Variants in ZDHHC16 observed in about 807,000 individuals in gnomAD.
ZDHHC16 encodes the protein palmitoyltransferase ZDHHC16.
ZDHHC16 carries 33 observed loss-of-function variants against 54.4 expected under a neutral mutation model. The observed-to-expected ratio is 0.61, with a 90% confidence interval of 0.46 to 0.81. ZDHHC16 has a LOEUF of 0.81. ZDHHC16 is among the 30% of genes least tolerant of loss of function. The pLI is 0.00. For synonymous variants in ZDHHC16, 185 were observed against 182.1 expected, an observed-to-expected ratio of 1.02 and a Z score of -0.13; for missense variants, 420 against 485.9, an observed-to-expected ratio of 0.86 and a Z score of 1.28.
At chr10:97,447,303 C>T (rs550933280) in intron 1 of ZDHHC16, among the ~76,000 whole-genome samples, 17 of 152,358 alleles carry the variant, frequency 1.1e-4, no homozygotes, top group African/African-American at 4.1e-4. Context: ...AGATGACATT[C>T]GCCACGACTT....
In ZDHHC16 at chr10:97,446,332, C is replaced by T; in HGVS notation, c.-207C>T. ...AGGCTACGGGGCTCGGTTTGGCTGA[C>T]TGGGGAGTCGGCAGGCGGCAGGTAA... On this transcript the variant is annotated 5_prime_UTR_variant, in exon 1 of 12. Transcript: ENST00000393760. The T allele has an allele frequency of 2.4e-6, 1 of 423,030 alleles. No homozygotes were observed. Among genetic ancestry groups the T allele is most frequent in the Non-Finnish European group, 4.3e-6 (1 of 233,048 alleles). The allele number at this position is 423,030 out of a possible 1,614,324, so 26.2% of individuals were successfully genotyped here. A position where few individuals can be genotyped will look rare whatever the true frequency, so the allele number is the denominator to read the frequency against.
chr10:97,453,984 G>A, intron 8 of ZDHHC16, 138 bp downstream of exon 8: 1 of 1,186,996 alleles, frequency 8.4e-7, no homozygotes, highest in Non-Finnish European at 1.2e-6. Context: ...GAGTGTTCAG[G>A]CAGGCTGGCT....
chr10:97,446,743 G>A (rs1309606787), intron 1 of ZDHHC16, among the ~76,000 whole-genome samples: 1 of 152,134 alleles, frequency 6.6e-6, no homozygotes, highest in Non-Finnish European at 1.5e-5. Flanking sequence ...TGTTTTTGAG[G>A]AGTCTCGCTC....
chr10:97,456,664 A>G (rs1847268873), intron 11 of ZDHHC16, 113 bp from the exon 12 acceptor site: 1 of 715,018 alleles, frequency 1.4e-6, no homozygotes, highest in African/African-American at 1.8e-5. Flanking sequence ...TGTTACTTTC[A>G]TGATTGACAC....
Position 97,446,211 on chromosome 10 carries a change from C to CCCGGT in ZDHHC16, c.-328_-327insCCGGT. 1.6e-6 allele frequency: 1 copy of CCCGGT among 636,534 alleles called. No homozygotes were observed. Among genetic ancestry groups the CCCGGT allele is most frequent in the Non-Finnish European group, 2.7e-6 (1 of 368,310 alleles). 39.4% of individuals were successfully genotyped at this position (636,534 alleles called of 1,614,324 possible). A position where few individuals can be genotyped will look rare whatever the true frequency, so the allele number is the denominator to read the frequency against. On this transcript the variant is annotated 5_prime_UTR_variant, in exon 1 of 12. The change abolishes the stop of an existing upstream ORF in the 5' untranslated region. Transcript: ENST00000393760. ...TGGGCTGGCGGCGGGTCCGGGTCCG[C>CCCGGT]TGCCTGGCGCTGCGGGCGGCGGGCC...
chr10:97,456,373 G>A (rs1847192468), intron 11 of ZDHHC16: 2 of 350,400 alleles, frequency 5.7e-6, no homozygotes, highest in African/African-American at 4.2e-5. Context: ...TAATTTGTGA[G>A]ATTAAAATAA....
intron 9 of ZDHHC16, 129 bp downstream of exon 9, chr10:97,454,928 A>C (rs534862470): frequency 5.3e-6 from 4 of 754,456 alleles, no homozygotes; most frequent in Admixed American, 2.4e-5. Flanking sequence ...GTTGGCAGAG[A>C]GCCAGCACTT....
At chr10:97,455,871 G>A (rs1564808445) in intron 10 of ZDHHC16, 88 bp downstream of exon 10, 27 of 1,602,290 alleles carry the variant, frequency 1.7e-5, no homozygotes, top group Middle Eastern at 1.7e-4. Context: ...GCTGACTAGG[G>A]CAAGCATTGT....
Position 97,456,848 on chromosome 10 carries a change from C to T in ZDHHC16, c.1091C>T (p.Pro364Leu). ...PHGNGMSWEP[P>L]PWVTAHSASV... The stretch of plus-strand genomic sequence containing the variant: ...GGGAATGGAATGAGCTGGGAGCCCC[C>T]TCCCTGGGTGACTGCTCACTCAGCC... The change falls in exon 12 of 12, where the codon CCT becomes CTT. Residue 364 changes from proline (P) to leucine (L), a missense_variant. By Grantham distance (98) the Pro-to-Leu change is moderately conservative (BLOSUM62 -3). Coordinates refer to ENST00000393760, the MANE Select transcript of ZDHHC16 (RefSeq NM_198046.3). 4 of 1,613,506 alleles carry T rather than the reference C, an allele frequency of 2.5e-6. No homozygotes were observed. Among genetic ancestry groups the T allele is most frequent in the Non-Finnish European group, 2.5e-6 (3 of 1,179,728 alleles).
chr10:97,456,708 G>T, intron 11 of ZDHHC16, 69 bp from the exon 12 acceptor site: 2 of 1,178,352 alleles, frequency 1.7e-6, no homozygotes, highest in Non-Finnish European at 2.4e-6. Context: ...ATGTATGCTT[G>T]TTAAGGAATG....
rs1389855611 is a variant in ZDHHC16, at chr10:97,447,433, G to A, written c.-186+1080G>A. Among the ~76,000 whole-genome samples the A allele has an allele frequency of 2.6e-5, 4 of 152,252 alleles. No individual in the cohort carries two copies. In the East Asian group the frequency reaches 7.7e-4, roughly 29 times the overall value. ...GCCATGGGAAGAGGGGAGTGTTGTG[G>A]CCAGCAATCTCCTCCAGTCTGGTGG... On this transcript the variant is annotated intron_variant, in intron 1 of 11. Transcript: ENST00000393760.
intron 11 of ZDHHC16, 36 bp downstream of exon 11, chr10:97,456,080 G>C: frequency 6.2e-7 from 1 of 1,604,510 alleles, no homozygotes; most frequent in Non-Finnish European, 8.5e-7. Flanking sequence ...CTGTCCAACA[G>C]AACACTGTGA....
At chr10:97,450,119 C>T (rs901229215) in intron 1 of ZDHHC16, among the ~76,000 whole-genome samples, 7 of 151,900 alleles carry the variant, frequency 4.6e-5, no homozygotes, top group African/African-American at 1.7e-4. Flanking sequence ...GATCCACCCG[C>T]CTCGGCCTCC....
At chr10:97,453,138 T>C (rs1846806971) in intron 6 of ZDHHC16, among the ~76,000 whole-genome samples, 1 of 152,260 alleles carries the variant, frequency 6.6e-6, no homozygotes, top group African/African-American at 2.4e-5. Flanking sequence ...TTCTAGACTC[T>C]CATGCTAACA....
rs543768551 is a variant in ZDHHC16 at position 97,452,210 on chromosome 10, A to G, written c.364A>G (p.Ser122Gly). 7.7e-5 allele frequency: 124 copies of G among 1,614,000 alleles called. 1 individual carries two copies. In the South Asian group the frequency reaches 1.2e-3, roughly 16 times the overall value. Residue 122 changes from serine (S) to glycine (G), a missense_variant, in exon 4 of 12, where the codon AGC (serine) becomes GGC (glycine). Transcript: ENST00000393760. ...VPRLCWHFFY[S>G]HWNLILIVFH... ...ACGACTCTGCTGGCATTTCTTCTATAGCCACTGGAATCTGATCCTGATTGT... is the reference window on the plus strand; with the variant it reads ...ACGACTCTGCTGGCATTTCTTCTATGGCCACTGGAATCTGATCCTGATTGT...
At chr10:97,450,802 G>T (rs1846538335) in intron 2 of ZDHHC16, 1 of 152,298 alleles carries the variant, frequency 6.6e-6, no homozygotes, top group Admixed American at 6.5e-5. Flanking sequence ...TGTCTAATTA[G>T]ACTGGGGCAG....
chr10:97,449,224 G>GT (rs11425114), intron 1 of ZDHHC16, among the ~76,000 whole-genome samples: 79,915 of 147,836 alleles, frequency 0.54, 21,203 homozygotes, highest in South Asian at 0.61. Flanking sequence ...GAGAATAGAA[G>GT]TTTTTTTTTT....
rs959667592 is a variant in ZDHHC16, at chr10:97,453,566, G to A, written c.593G>A (p.Arg198Gln). Residue 198 changes from arginine (R) to glutamine (Q), a missense_variant, in exon 7 of 12, where the codon CGG becomes CAG. Arg to Gln is a conservative substitution (Grantham distance 43). Coordinates refer to ENST00000393760, the MANE Select transcript of ZDHHC16 (RefSeq NM_198046.3). ...LNNCVGHYNH[R>Q]YFFSFCFFMT... ...AATTGTGTGGGCCACTATAACCATC[G>A]GTACTTCTTCTCTTTCTGCTTTTTC... is the stretch of plus-strand genomic sequence containing the variant. The A allele has an allele frequency of 5.0e-6, 8 of 1,614,080 alleles. No homozygotes were observed. The highest frequency in any genetic ancestry group is 1.7e-5 in the Admixed American group (1 of 60,010).
intron 2 of ZDHHC16, chr10:97,450,782 G>T (rs1564800294): frequency 6.6e-6 from 1 of 152,310 alleles, no homozygotes; most frequent in Non-Finnish European, 1.5e-5. Context: ...CTGCAGAGAA[G>T]GTTCTTAAAT....
Sources: allele counts gnomAD v4.1 joint callset (sites outside exome capture counted in the v4.1 genomes callset), GRCh38; gene constraint gnomAD v4.1.1; transcripts MANE v1.5; gene names NCBI Gene and HGNC (gene_info 2026-07-23, HGNC 2026-07-21).